The following WWOX variants were observed in gnomAD, a reference collection of about 807,000 sequenced individuals.
The protein encoded by WWOX is WW domain-containing oxidoreductase.
WWOX carries 69 observed loss-of-function variants against 46.2 expected under a neutral mutation model. The ratio of observed to expected loss-of-function variants is 1.49; its 90% confidence interval spans 1.23 to 1.82. The LOEUF is 1.82. WWOX is among the 40% of genes most tolerant of loss of function. The pLI, the probability that WWOX is intolerant of heterozygous loss-of-function variation, is 0.00. For missense variants in WWOX, 919 were observed against 542.6 expected, an observed-to-expected ratio of 1.69 and a Z score of -6.89; for synonymous variants, 359 against 202.6, an observed-to-expected ratio of 1.77 and a Z score of -6.56.
intron 5 of WWOX, among the ~76,000 whole-genome samples, chr16:78,195,286 G>C (rs1443701229): frequency 2.0e-5 from 3 of 152,146 alleles, no homozygotes; most frequent in Non-Finnish European, 4.4e-5. Context: ...CATTAAACCT[G>C]ACAGATGCCT....
intron 8 of WWOX, among the ~76,000 whole-genome samples, chr16:78,632,854 G>T (rs71396202): frequency 3.3e-5 from 5 of 151,646 alleles, no homozygotes; most frequent in African/African-American, 4.8e-5. Flanking sequence ...CACTGCGCCC[G>T]GCCTACTTGG....
intron 8 of WWOX, among the ~76,000 whole-genome samples, chr16:78,731,174 A>C (rs1260224038): frequency 6.6e-6 from 1 of 152,118 alleles, no homozygotes; most frequent in Non-Finnish European, 1.5e-5. Flanking sequence ...TTCTTGGGCA[A>C]CTGAGACCGT....
At chr16:79,175,856 A>G (rs1005403178) in intron 8 of WWOX, among the ~76,000 whole-genome samples, 3 of 152,052 alleles carry the variant, frequency 2.0e-5, no homozygotes, top group Admixed American at 2.0e-4. Context: ...CCACTCCCCT[A>G]ATTACTCATG....
At chr16:78,384,134 A>G (rs1311428871) in intron 5 of WWOX, among the ~76,000 whole-genome samples, 3 of 152,090 alleles carry the variant, frequency 2.0e-5, no homozygotes, top group African/African-American at 7.2e-5. Context: ...CGTTTTTATA[A>G]TATGTAGCCT....
At chr16:78,358,570 ATCGCTTGAACCTGGGAAGTGGAGTT>A (rs1428296076) in intron 5 of WWOX, among the ~76,000 whole-genome samples, 1 of 152,254 alleles carries the variant, frequency 6.6e-6, no homozygotes, top group African/African-American at 2.4e-5. Context: ...AGGACTGAGA[ATCGCTTGAACCTGGGAAGTGGAGTT>A]TGCAGTGAGC....
At chr16:78,968,103 G>T (rs1320149689) in intron 8 of WWOX, among the ~76,000 whole-genome samples, 3 of 131,262 alleles carry the variant, frequency 2.3e-5, no homozygotes, top group African/African-American at 8.8e-5. Flanking sequence ...GCATGGCACA[G>T]CGCGTGGTCC....
chr16:78,727,913 ATC>A (rs1281538104), intron 8 of WWOX, among the ~76,000 whole-genome samples: 1 of 152,118 alleles, frequency 6.6e-6, no homozygotes, highest in African/African-American at 2.4e-5. Flanking sequence ...GCATTTGTTT[ATC>A]TGGGTCATTT....
chr16:78,637,955 T>G (rs1160927087), intron 8 of WWOX, among the ~76,000 whole-genome samples: 2 of 152,272 alleles, frequency 1.3e-5, no homozygotes, highest in East Asian at 3.9e-4. Context: ...CCATGGTTTC[T>G]TCTACCAGGT....
chr16:78,846,295 C>G (rs1278242113), intron 8 of WWOX, among the ~76,000 whole-genome samples: 2 of 152,198 alleles, frequency 1.3e-5, no homozygotes, highest in African/African-American at 2.4e-5. Context: ...TAACTACACT[C>G]AGACTATAAC....
At chr16:78,144,998 A>G (rs1201648136) in intron 4 of WWOX, among the ~76,000 whole-genome samples, 1 of 152,182 alleles carries the variant, frequency 6.6e-6, no homozygotes, top group East Asian at 1.9e-4. Context: ...TGAGGTTCAC[A>G]GAAGTTAAGT....
intron 8 of WWOX, among the ~76,000 whole-genome samples, chr16:79,209,397 C>G (rs1456458980): frequency 6.6e-6 from 1 of 152,170 alleles, no homozygotes; most frequent in East Asian, 1.9e-4. Context: ...AGGAAGAATT[C>G]TGCTTTTTGC....
At chr16:78,367,092 G>A (rs1000940461) in intron 5 of WWOX, among the ~76,000 whole-genome samples, 5 of 148,214 alleles carry the variant, frequency 3.4e-5, no homozygotes, top group African/African-American at 1.0e-4. Flanking sequence ...CCATTCTCCT[G>A]CCTCAGCCTC....
chr16:78,640,137 G>C (rs572295698), intron 8 of WWOX, among the ~76,000 whole-genome samples: 2 of 151,862 alleles, frequency 1.3e-5, no homozygotes, highest in Admixed American at 1.3e-4. Context: ...TTCAGGTTTG[G>C]AGGGAGGCCG....
chr16:78,396,398 C>G (rs145014656), intron 6 of WWOX, among the ~76,000 whole-genome samples: 30 of 152,266 alleles, frequency 2.0e-4, no homozygotes, highest in African/African-American at 6.7e-4. Context: ...CACCAATGTT[C>G]ACAAAATAAA....
intron 4 of WWOX, among the ~76,000 whole-genome samples, chr16:78,144,492 C>CATATATATATATAT (rs2034124462): frequency 1.2e-4 from 1 of 8,032 alleles, no homozygotes; most frequent in Non-Finnish European, 2.1e-4. Context: ...TATATACACA[C>CATATATATATATAT]ACACACACAT....
At chr16:78,464,609 A>G (rs1243266070) in intron 8 of WWOX, among the ~76,000 whole-genome samples, 1 of 152,172 alleles carries the variant, frequency 6.6e-6, no homozygotes, top group South Asian at 2.1e-4. Context: ...GTCAGAAGCA[A>G]GTCAGGATTT....
rs371017560 is a variant in WWOX at position 78,804,523 on chromosome 16, C to T, written c.1056+371771C>T. 1.1e-4 allele frequency among the ~76,000 whole-genome samples: 17 copies of T among 152,276 alleles called. No individual in the cohort carries two copies. The East Asian group carries it at 2.3e-3, about 21-fold the overall frequency. ...GCACATGCGAAGCGCATATGTTCTG[C>T]GTGTGGCTCTCATTTGGAGCCTGAT... On this transcript the variant is annotated intron_variant, in intron 8 of 8. Transcript: ENST00000566780.
At chr16:78,630,221 C>T (rs896238692) in intron 8 of WWOX, among the ~76,000 whole-genome samples, 3 of 152,164 alleles carry the variant, frequency 2.0e-5, no homozygotes, top group Non-Finnish European at 4.4e-5. Flanking sequence ...CAAGGCCAGG[C>T]ACTGGGGTCC....
intron 8 of WWOX, among the ~76,000 whole-genome samples, chr16:79,067,637 CGGGG>C (rs144613659): frequency 1.2e-5 from 1 of 80,872 alleles, no homozygotes; most frequent in Non-Finnish European, 2.8e-5. Flanking sequence ...GGGTGGGGGG[CGGGG>C]GGGGGCACTT....
Sources: gnomAD v4.1 joint callset for allele counts (sites outside exome capture counted in the v4.1 genomes callset) on GRCh38, gnomAD v4.1.1 for gene constraint, MANE v1.5 for transcripts, NCBI Gene and HGNC (gene_info 2026-07-23, HGNC 2026-07-21) for gene names.